The following TNFRSF11B variants were observed in gnomAD, a reference collection of about 807,000 sequenced individuals.
TNFRSF11B encodes the protein tumor necrosis factor receptor superfamily member 11B.
In TNFRSF11B, 16 loss-of-function variants were observed where a neutral mutation model predicts 43.4. The ratio of observed to expected loss-of-function variants is 0.37; its 90% CI spans 0.25 to 0.56. The LOEUF is 0.56. Among genes scored for constraint, TNFRSF11B ranks in the 20% least tolerant of loss-of-function variants. The probability of loss-of-function intolerance (pLI) is 0.80; values close to 1 mark genes in which losing one functional copy is unlikely to be tolerated. For missense variants in TNFRSF11B, 444 were observed against 490.1 expected (o/e 0.91, Z 0.89); for synonymous variants, 185 against 181.8 (o/e 1.02, Z -0.14).
In TNFRSF11B at chr8:118,926,287, G is replaced by C. The variant is rs549823702; in HGVS notation, c.817+207C>G. 1.5e-4 allele frequency among the ~76,000 whole-genome samples: 23 copies of C among 152,140 alleles called. 1 individual carries two copies. The highest frequency in any genetic ancestry group is 3.1e-4 in the Non-Finnish European group (21 of 68,018). On this transcript the variant is annotated intron_variant, in intron 4 of 4. Transcript: ENST00000297350. ...TTCAACATACTTTACAAGGAAACTG[G>C]GGAGCAGGGGTGAGAACAAAACCTT... is the stretch of plus-strand genomic sequence containing the variant.
At chr8:118,929,830 T>A (rs1448439244) in intron 2 of TNFRSF11B, among the ~76,000 whole-genome samples, 1 of 152,218 alleles carries the variant, frequency 6.6e-6, no homozygotes, top group African/African-American at 2.4e-5. Flanking sequence ...TAGACTTCAA[T>A]ATCCAAATGT....
chr8:118,930,706 C>T (rs1339806362), intron 2 of TNFRSF11B: 6 of 445,232 alleles, frequency 1.3e-5, no homozygotes, highest in Non-Finnish European at 2.3e-5. Context: ...GCCACCGTGC[C>T]GGGCCTAAGA....
At chr8:118,927,949 T>G (rs763697616) in intron 3 of TNFRSF11B, among the ~76,000 whole-genome samples, 6 of 152,046 alleles carry the variant, frequency 3.9e-5, no homozygotes, top group Non-Finnish European at 7.4e-5. Context: ...CCAGAGTAGC[T>G]TGGAAGTTCC....
At chr8:118,934,989 T>C (rs1317287063) in intron 1 of TNFRSF11B, among the ~76,000 whole-genome samples, 2 of 152,184 alleles carry the variant, frequency 1.3e-5, no homozygotes, top group Admixed American at 1.3e-4. Context: ...TATGAGTTGA[T>C]AAACCAGAAG....
chr8:118,937,955 A>T lies in TNFRSF11B; in HGVS notation c.31-4655T>A, dbSNP rs377306055. Among the ~76,000 whole-genome samples, 57 of 151,760 alleles carry T rather than the reference A, an allele frequency of 3.8e-4. 1 individual carries two copies. In the South Asian group the frequency reaches 0.011, roughly 30 times the overall value. On this transcript the variant is annotated intron_variant, in intron 1 of 4. Transcript: ENST00000297350. Reference sequence around the variant, plus strand: ...TTACTTAAATGTTTTAAGTCAAAATAAAATATTTAAGATATAAGTATATAA... The same window carrying T: ...TTACTTAAATGTTTTAAGTCAAAATTAAATATTTAAGATATAAGTATATAA...
chr8:118,933,183 G>A lies in TNFRSF11B; in HGVS notation c.148C>T (p.Leu50=). 6.2e-7 allele frequency: 1 copy of A among 1,614,164 alleles called. No individual in the cohort carries two copies. Among genetic ancestry groups the A allele is most frequent in the Non-Finnish European group, 8.5e-7 (1 of 1,180,022 alleles). The change falls in exon 2 of 5, where the codon CTA becomes TTA. Residue 50 remains leucine (L), a synonymous_variant. Coordinates refer to ENST00000297350, the MANE Select transcript of TNFRSF11B (RefSeq NM_002546.4). ...CACTTTGCTGTACAGTGTTGTTTTA[G>A]GTAGGTACCAGGAGGACATTTGTCA... ...LCDKCPPGTY[L]KQHCTAKWKT... is the part of the protein sequence containing the mutation.
At chr8:118,935,621 C>A (rs1405394762) in intron 1 of TNFRSF11B, among the ~76,000 whole-genome samples, 1 of 152,066 alleles carries the variant, frequency 6.6e-6, no homozygotes, top group Non-Finnish European at 1.5e-5. Context: ...ATATATGATA[C>A]ATAATTCAGG....
At chr8:118,947,008 C>G (rs1275457397) in intron 1 of TNFRSF11B, among the ~76,000 whole-genome samples, 1 of 152,180 alleles carries the variant, frequency 6.6e-6, no homozygotes, top group Non-Finnish European at 1.5e-5. Flanking sequence ...AAAACTGGTA[C>G]AGCCAGGCTT....
intron 1 of TNFRSF11B, among the ~76,000 whole-genome samples, chr8:118,943,766 T>C (rs1812521690): frequency 6.6e-6 from 1 of 152,100 alleles, no homozygotes; most frequent in Admixed American, 6.5e-5. Context: ...GTAAAAGTTG[T>C]AGATGAAGAT....
At chr8:118,927,465 C>T (rs1355627806) in intron 3 of TNFRSF11B, among the ~76,000 whole-genome samples, 2 of 145,814 alleles carry the variant, frequency 1.4e-5, no homozygotes, top group East Asian at 4.0e-4. Flanking sequence ...AGTAAGTGCA[C>T]AATAAATGAA....
rs1172822507 is a variant in TNFRSF11B, at chr8:118,933,103, G to C, written c.228C>G (p.Thr76=). ...PDHYYTDSWH[T]SDECLYCSPV... is the part of the protein sequence containing the mutation. The stretch of plus-strand genomic sequence containing the variant: ...GGCTGCAGTATAGACACTCGTCACT[G>C]GTGTGCCAGCTGTCTGTGTAGTAGT... Residue 76 remains threonine, a synonymous_variant, in exon 2 of 5, where the codon ACC becomes ACG. Coordinates refer to ENST00000297350, the MANE Select transcript of TNFRSF11B (RefSeq NM_002546.4). 1 of 1,614,178 alleles carries C rather than the reference G, an allele frequency of 6.2e-7. No individual in the cohort carries two copies. The highest frequency in any genetic ancestry group is 8.5e-7 in the Non-Finnish European group (1 of 1,180,044).
In TNFRSF11B at chr8:118,928,946, G is replaced by A. The variant is rs1227148023; in HGVS notation, c.401-17C>T. On this transcript the variant is annotated splice_polypyrimidine_tract_variant and intron_variant, in intron 2 of 4. Transcript: ENST00000297350. ...CTGGGGTTCCTACAGAAAATACCAA[G>A]CAATTTAGTACCTTCTCCTCAAATC... 1 of 1,612,586 alleles carries A rather than the reference G, an allele frequency of 6.2e-7. No homozygotes were observed. Among genetic ancestry groups the A allele is most frequent in the Non-Finnish European group, 8.5e-7 (1 of 1,178,690 alleles).
At chr8:118,950,232 A>G (rs1010619427) in intron 1 of TNFRSF11B, among the ~76,000 whole-genome samples, 6 of 152,370 alleles carry the variant, frequency 3.9e-5, no homozygotes, top group Admixed American at 3.9e-4. Flanking sequence ...AAGAATAAAA[A>G]TGTCCCCATA....
At position 118,926,640 on chromosome 8, in the gene TNFRSF11B, AC is replaced by A; in HGVS notation, c.670del (p.Val224Ter). 1 of 1,614,112 alleles carries A rather than the reference AC, an allele frequency of 6.2e-7. No individual in the cohort carries two copies. Among genetic ancestry groups the A allele is most frequent in the Non-Finnish European group, 8.5e-7 (1 of 1,179,996 alleles). On this transcript the variant is annotated frameshift_variant, in exon 4 of 5. Transcript: ENST00000297350. LOFTEE classifies it high-confidence loss of function. ...TACTTTGGTGCCAGGCAAATTGTCTACCAAGACACTAAGCCAGTTAGGCGTA... is the reference window on the plus strand; with the variant it reads ...TACTTTGGTGCCAGGCAAATTGTCTACAAGACACTAAGCCAGTTAGGCGTA... ...KFTPNWLSVL[V>X]DNLPGTKVNA...
chr8:118,937,143 G>C (rs1812416473), intron 1 of TNFRSF11B, among the ~76,000 whole-genome samples: 1 of 152,132 alleles, frequency 6.6e-6, no homozygotes, highest in Non-Finnish European at 1.5e-5. Context: ...TTAAGCATAA[G>C]CATCTTTTCT....
At chr8:118,949,619 G>A (rs1244510912) in intron 1 of TNFRSF11B, among the ~76,000 whole-genome samples, 1 of 152,250 alleles carries the variant, frequency 6.6e-6, no homozygotes, top group Non-Finnish European at 1.5e-5. Context: ...TCCCTTATAA[G>A]GTGCTATATG....
At chr8:118,926,748 T>G in intron 3 of TNFRSF11B, 30 bp from the exon 4 acceptor site, 1 of 1,582,668 alleles carries the variant, frequency 6.3e-7, no homozygotes, top group Non-Finnish European at 8.6e-7. Context: ...CCCAGAAGAT[T>G]TACTCAACAA....
At chr8:118,926,832 A>G in intron 3 of TNFRSF11B, 114 bp from the exon 4 acceptor site, 2 of 1,036,006 alleles carry the variant, frequency 1.9e-6, no homozygotes, top group Non-Finnish European at 2.9e-6. Flanking sequence ...AAGATAAAAT[A>G]TGCTAAAATG....
At position 118,951,780 on chromosome 8, in the gene TNFRSF11B, C is replaced by T; in HGVS notation, c.30+12G>A. On this transcript the variant is annotated intron_variant, in intron 1 of 4. Transcript: ENST00000297350. ...AGGCGCCGGGCACCCGTCGGCTGGC[C>T]CAGGGACTTACCACGAGCGCGCAGC... is the stretch of plus-strand genomic sequence containing the variant. 1 of 1,588,478 alleles carries T rather than the reference C, an allele frequency of 6.3e-7. No homozygotes were observed. Among genetic ancestry groups the T allele is most frequent in the East Asian group, 2.3e-5 (1 of 43,316 alleles).
Sources: allele counts gnomAD v4.1 joint callset (sites outside exome capture counted in the v4.1 genomes callset), GRCh38; gene constraint gnomAD v4.1.1; transcripts MANE v1.5; gene names NCBI Gene and HGNC (gene_info 2026-07-23, HGNC 2026-07-21).